IL31RA: variants seen among roughly 807,000 people sequenced by gnomAD.
The protein encoded by IL31RA is interleukin-31 receptor subunit alpha.
Under a neutral mutation model 83.7 loss-of-function variants are expected in IL31RA, and 66 were observed. The observed-to-expected ratio is 0.79, with a 90% confidence interval of 0.65 to 0.97. The LOEUF (loss-of-function observed/expected upper bound fraction) is 0.97, where lower values mean the gene tolerates loss of function less well. IL31RA is among the 50% of genes least tolerant of loss of function. The pLI, the probability that IL31RA is intolerant of heterozygous loss-of-function variation, is 0.00. For missense variants in IL31RA, 798 were observed against 919.4 expected (o/e 0.87, Z 1.71); for synonymous variants, 325 against 329.0 (o/e 0.99, Z 0.13).
intron 8 of IL31RA, 130 bp from the exon 9 acceptor site, chr5:55,905,976 G>T: frequency 1.1e-6 from 1 of 878,376 alleles, no homozygotes. Context: ...AGCCCCATCC[G>T]GGGAGGCTGC....
At position 55,917,096 on chromosome 5, in the gene IL31RA, A is replaced by C. The variant is rs758206710; in HGVS notation, c.2271A>C (p.Pro757=). 1 of 1,614,182 alleles carries C rather than the reference A, an allele frequency of 6.2e-7. No individual in the cohort carries two copies. Among genetic ancestry groups the C allele is most frequent in the Middle Eastern group, 1.6e-4 (1 of 6,062 alleles). ...AATTTCTTGTGTCTGAAAAACTTCC[A>C]GAGCACACCAAGGGAGAAGTCTAAA... The part of the protein sequence containing the change: ...AREFLVSEKL[P]EHTKGEV Residue 757 remains proline (P), a synonymous_variant, in exon 15 of 15, where the codon CCA becomes CCC. Coordinates refer to ENST00000652347, the MANE Select transcript of IL31RA (RefSeq NM_139017.7).
At chr5:55,906,067 G>A in intron 8 of IL31RA, 39 bp from the exon 9 acceptor site, 5 of 1,605,130 alleles carry the variant, frequency 3.1e-6, no homozygotes, top group Non-Finnish European at 4.3e-6. Context: ...TGGGGAATGA[G>A]TTGGGTAGCT....
At chr5:55,878,419 C>A (rs556740850) in intron 4 of IL31RA, among the ~76,000 whole-genome samples, 1 of 152,248 alleles carries the variant, frequency 6.6e-6, no homozygotes, top group East Asian at 1.9e-4. Flanking sequence ...GTATGCCTTG[C>A]AATTTTTGTT....
chr5:55,896,499 T>TC, intron 7 of IL31RA, 70 bp downstream of exon 7: 1 of 885,344 alleles, frequency 1.1e-6, no homozygotes, highest in Non-Finnish European at 1.8e-6. Flanking sequence ...TTCCCTCCCT[T>TC]CCCTCCCTTC....
chr5:55,886,365 C>T (rs1341582894), intron 5 of IL31RA, among the ~76,000 whole-genome samples: 1 of 150,556 alleles, frequency 6.6e-6, no homozygotes, highest in Non-Finnish European at 1.5e-5. Context: ...CCTCCACCTC[C>T]GGGGTTCAAG....
At chr5:55,891,761 A>ATTT (rs35672011) in intron 6 of IL31RA, among the ~76,000 whole-genome samples, 2,463 of 59,964 alleles carry the variant, frequency 0.041, 617 homozygotes, top group East Asian at 0.064. Flanking sequence ...TTTGGACAAG[A>ATTT]TTTTTTTTTT....
At chr5:55,905,707 G>T (rs1749106850) in intron 8 of IL31RA, among the ~76,000 whole-genome samples, 1 of 152,134 alleles carries the variant, frequency 6.6e-6, no homozygotes, top group South Asian at 2.1e-4. Flanking sequence ...TGATTTTAAG[G>T]TCACCATCTC....
chr5:55,845,749 C>A, the IL31RA span, among the ~76,000 whole-genome samples: 15 of 152,232 alleles, frequency 9.9e-5, no homozygotes, highest in South Asian at 2.3e-3. Flanking sequence ...ATAAAGGAAA[C>A]CTCTTTCCAT....
At chr5:55,885,226 A>AGCAT (rs1431715965) in intron 5 of IL31RA, among the ~76,000 whole-genome samples, 1 of 152,180 alleles carries the variant, frequency 6.6e-6, no homozygotes, top group African/African-American at 2.4e-5. Context: ...TGTTTACTGC[A>AGCAT]GCATGCTCTC....
At chr5:55,847,142 C>T (rs529042078), upstream of IL31RA, among the ~76,000 whole-genome samples, 6 of 149,710 alleles carry the variant, frequency 4.0e-5, no homozygotes, top group East Asian at 1.0e-3. Flanking sequence ...ACTTGAGAGG[C>T]TGAGGCAGGA....
intron 7 of IL31RA, among the ~76,000 whole-genome samples, chr5:55,898,196 T>C (rs1488826369): frequency 6.6e-6 from 1 of 152,126 alleles, no homozygotes; most frequent in East Asian, 1.9e-4. Flanking sequence ...CACGCCCACA[T>C]GTGGTCTTAG....
At chr5:55,908,207 G>A in intron 10 of IL31RA, 58 bp from the exon 11 acceptor site, 1 of 1,610,012 alleles carries the variant, frequency 6.2e-7, no homozygotes, top group Non-Finnish European at 8.5e-7. Flanking sequence ...CCTTTGTGGG[G>A]GAACGATCTC....
chr5:55,898,566 A>G (rs1222055076), intron 7 of IL31RA, among the ~76,000 whole-genome samples: 1 of 147,810 alleles, frequency 6.8e-6, no homozygotes, highest in African/African-American at 2.6e-5. Flanking sequence ...TTAATATGTT[A>G]TTTTAAAAAG....
At chr5:55,842,693 A>G in the IL31RA span, among the ~76,000 whole-genome samples, 1 of 151,980 alleles carries the variant, frequency 6.6e-6, no homozygotes, top group African/African-American at 2.4e-5. Context: ...TTACGTGTCC[A>G]TTTTCCCACT....
At position 55,903,182 on chromosome 5, in the gene IL31RA, G is replaced by A. The variant is rs1424015566; in HGVS notation, c.1070-2924G>A. ...CAGCGGTGGCGTGGTCCCAGGCAGG[G>A]CATCGGAAAGCCCGGCCACTGTGTC... On this transcript the variant is annotated intron_variant, in intron 8 of 14. Transcript: ENST00000652347. This position sits in a 1 kb window ranked among gnomAD's most constrained non-coding sequence, Gnocchi z 4.7. Among the ~76,000 whole-genome samples the A allele has an allele frequency of 6.6e-6, 1 of 152,154 alleles. No individual in the cohort carries two copies. Among genetic ancestry groups the A allele is most frequent in the East Asian group, 1.9e-4 (1 of 5,188 alleles).
rs563692498 is a variant in IL31RA at position 55,922,270 on chromosome 5, G to A, written c.*5150G>A. 395 of 765,896 alleles carry A rather than the reference G, an allele frequency of 5.2e-4. No homozygotes were observed. Among genetic ancestry groups the A allele is most frequent in the Non-Finnish European group, 8.5e-4 (367 of 432,934 alleles). The allele number at this position is 765,896 out of a possible 1,614,324, so 47.4% of individuals were successfully genotyped here. ...GACGCTTGTCGTGTGCTGATGAAAA[G>A]GGCTGGGGAGAAGCAAGGGGCAGGG... On this transcript the variant is annotated 3_prime_UTR_variant, in exon 15 of 15. Transcript: ENST00000652347.
intron 5 of IL31RA, among the ~76,000 whole-genome samples, chr5:55,884,211 C>T (rs1747439598): frequency 6.6e-6 from 1 of 152,160 alleles, no homozygotes; most frequent in Admixed American, 6.5e-5. Context: ...GTATTGCAAA[C>T]ATCTTTCACT....
intron 4 of IL31RA, 49 bp downstream of exon 4, chr5:55,872,500 CCTT>C (rs34945028): frequency 1.8e-5 from 23 of 1,271,812 alleles, no homozygotes; most frequent in Non-Finnish European, 2.6e-5. Context: ...ATGTTTACCT[CCTT>C]CTCTGTTCAA....
At chr5:55,908,203 T>C in intron 10 of IL31RA, 62 bp from the exon 11 acceptor site, 6 of 1,608,692 alleles carry the variant, frequency 3.7e-6, no homozygotes, top group Non-Finnish European at 5.1e-6. Context: ...AGGGCCTTTG[T>C]GGGGGAACGA....
Sources: gnomAD v4.1 joint callset for allele counts (sites outside exome capture counted in the v4.1 genomes callset) on GRCh38, gnomAD v4.1.1 for gene constraint, Gnocchi (gnomAD v3.1) non-coding constraint, MANE v1.5 for transcripts, NCBI Gene and HGNC (gene_info 2026-07-23, HGNC 2026-07-21) for gene names.